Variants in ITGA9 observed in about 807,000 individuals in gnomAD.
ITGA9 encodes the protein integrin alpha-9.
A neutral mutation model predicts 127.8 loss-of-function variants in ITGA9; 56 were observed. That is an observed-to-expected ratio of 0.44 (90% CI 0.35 to 0.55). ITGA9 has a LOEUF of 0.55. ITGA9 is among the 20% of genes least tolerant of loss of function. ITGA9 has a pLI of 0.00. For missense variants in ITGA9, 1,196 were observed against 1,347.1 expected (o/e 0.89, Z 1.76); for synonymous variants, 508 against 514.5 (o/e 0.99, Z 0.17).
chr3:37,638,903 C>T (rs1254987456), intron 16 of ITGA9, among the ~76,000 whole-genome samples: 3 of 152,174 alleles, frequency 2.0e-5, no homozygotes, highest in African/African-American at 7.2e-5. Context: ...TAGGAATGTG[C>T]AGGACAGGCA....
At chr3:37,600,849 G>A (rs1699916388) in intron 15 of ITGA9, among the ~76,000 whole-genome samples, 1 of 152,210 alleles carries the variant, frequency 6.6e-6, no homozygotes, top group South Asian at 2.1e-4. Flanking sequence ...CCCCATGTGT[G>A]CACATATACA....
rs978778723 is a variant in ITGA9, at chr3:37,542,282, T to C, written c.1529-143T>C. The stretch of plus-strand genomic sequence containing the variant: ...GGCTGTGTGCTGCTTTCTGAGCAAG[T>C]CTCTGCTTGGGGCTGCAGTCTCCTG... On this transcript the variant is annotated intron_variant, in intron 14 of 27. Transcript: ENST00000264741. 121 of 855,668 alleles carry C rather than the reference T, an allele frequency of 1.4e-4. 4 individuals carry two copies. In the South Asian group the frequency reaches 1.6e-3, roughly 11 times the overall value. 53.0% of individuals were successfully genotyped at this position (855,668 alleles called of 1,614,324 possible).
At chr3:37,775,980 A>G (rs1269207155) in intron 23 of ITGA9, among the ~76,000 whole-genome samples, 2 of 152,254 alleles carry the variant, frequency 1.3e-5, no homozygotes, top group Non-Finnish European at 2.9e-5. Context: ...GTACAGATAT[A>G]CCATGGAATA....
At chr3:37,457,799 T>A (rs966004029) in intron 1 of ITGA9, among the ~76,000 whole-genome samples, 1 of 152,154 alleles carries the variant, frequency 6.6e-6, no homozygotes, top group Non-Finnish European at 1.5e-5. Context: ...TCTGAGCTAG[T>A]GCTGAATGCT....
At chr3:37,521,302 G>A (rs1699041995) in intron 11 of ITGA9, among the ~76,000 whole-genome samples, 1 of 152,178 alleles carries the variant, frequency 6.6e-6, no homozygotes, top group Non-Finnish European at 1.5e-5. Flanking sequence ...ACAACTCTGG[G>A]CAATGGAATC....
intron 23 of ITGA9, among the ~76,000 whole-genome samples, chr3:37,766,317 CACTT>C (rs1696779789): frequency 6.6e-6 from 1 of 152,256 alleles, no homozygotes; most frequent in Non-Finnish European, 1.5e-5. Context: ...GAGCCAACCT[CACTT>C]ACTTCTCTTT....
intron 15 of ITGA9, among the ~76,000 whole-genome samples, chr3:37,618,679 G>T (rs1035649086): frequency 6.6e-6 from 1 of 152,174 alleles, no homozygotes; most frequent in African/African-American, 2.4e-5. Flanking sequence ...CCCTCCCCCA[G>T]CCTTGCTGCT....
At chr3:37,478,187 G>C (rs1698514328) in intron 3 of ITGA9, among the ~76,000 whole-genome samples, 1 of 152,136 alleles carries the variant, frequency 6.6e-6, no homozygotes, top group African/African-American at 2.4e-5. Flanking sequence ...CAGCCTCTCT[G>C]TGATCCTGCT....
chr3:37,541,800 A>G (rs1454195000), intron 14 of ITGA9, among the ~76,000 whole-genome samples: 5 of 152,234 alleles, frequency 3.3e-5, no homozygotes, highest in Admixed American at 1.3e-4. Flanking sequence ...ACCTGAAGGC[A>G]GGAGTTTATG....
chr3:37,565,370 A>G (rs953267326), intron 15 of ITGA9, among the ~76,000 whole-genome samples: 2 of 152,204 alleles, frequency 1.3e-5, no homozygotes, highest in Admixed American at 6.5e-5. Context: ...GTGGTCAGGC[A>G]AATAATTGAT....
Position 37,744,028 on chromosome 3 carries a change from C to T in ITGA9, c.2427C>T (p.Thr809=), listed in dbSNP as rs938637434. ...GTCACTTTCAGCCCATCAATATCAC[C>T]CTTCAGGTACCCACTCCTGGAGACC... ...LECHFQPINI[T]LQVYNTGPST... is the part of the protein sequence containing the mutation. The change falls in exon 22 of 28, where the codon ACC becomes ACT. Residue 809 remains threonine, a synonymous_variant. Coordinates refer to ENST00000264741, the MANE Select transcript of ITGA9 (RefSeq NM_002207.3). 1.9e-6 allele frequency: 3 copies of T among 1,607,342 alleles called. No individual in the cohort carries two copies. The highest frequency in any genetic ancestry group is 2.6e-6 in the Non-Finnish European group (3 of 1,173,906).
At chr3:37,762,385 A>G (rs1696732837) in intron 23 of ITGA9, among the ~76,000 whole-genome samples, 1 of 152,244 alleles carries the variant, frequency 6.6e-6, no homozygotes, top group Non-Finnish European at 1.5e-5. Context: ...GAAAGAATGC[A>G]GGCTCAGAGC....
At chr3:37,549,097 G>A (rs1190617336) in intron 15 of ITGA9, among the ~76,000 whole-genome samples, 1 of 152,234 alleles carries the variant, frequency 6.6e-6, no homozygotes, top group Non-Finnish European at 1.5e-5. Flanking sequence ...AGCTCACTGA[G>A]TGTGGGTTGC....
chr3:37,622,473 G>T (rs1363737487), intron 15 of ITGA9, among the ~76,000 whole-genome samples: 2 of 152,042 alleles, frequency 1.3e-5, no homozygotes, highest in African/African-American at 4.8e-5. Context: ...CTTGCTACAG[G>T]TACAGTTTAT....
At position 37,512,013 on chromosome 3, in the gene ITGA9, CTTTT is replaced by C. The variant is rs1698915385; in HGVS notation, c.898-1749_898-1746del. ...CTTTTCTTTTCTTTTCTTTTCTTTT[CTTTT>C]CTTTTCTTTTCTTTCTTTCTTTCTT... is the stretch of plus-strand genomic sequence containing the variant. On this transcript the variant is annotated intron_variant, in intron 8 of 27. Transcript: ENST00000264741. Among the ~76,000 whole-genome samples the C allele has an allele frequency of 5.7e-3, 204 of 35,492 alleles. 19 individuals carry two copies. Among genetic ancestry groups the C allele is most frequent in the East Asian group, 0.016 (11 of 704 alleles). The allele number at this position is 35,492 out of a possible 152,430, so 23.3% of individuals were successfully genotyped here.
intron 15 of ITGA9, among the ~76,000 whole-genome samples, chr3:37,621,495 G>T (rs548492839): frequency 1.3e-5 from 2 of 152,258 alleles, no homozygotes; most frequent in Admixed American, 1.3e-4. Flanking sequence ...GTTCAGTATT[G>T]TCCAGGAGAC....
intron 15 of ITGA9, among the ~76,000 whole-genome samples, chr3:37,557,005 A>G (rs1400027726): frequency 1.3e-5 from 2 of 152,142 alleles, no homozygotes; most frequent in East Asian, 1.9e-4. Context: ...CTTGAAGGAC[A>G]GTGTTGTCAG....
chr3:37,533,547 C>T (rs1030948638), intron 14 of ITGA9, 79 bp downstream of exon 14: 6 of 1,475,828 alleles, frequency 4.1e-6, no homozygotes, highest in African/African-American at 2.8e-5. Context: ...TGTTCCCTGT[C>T]GCTGTTCCTC....
chr3:37,564,008 CAA>C (rs1398101612), intron 15 of ITGA9, among the ~76,000 whole-genome samples: 2 of 152,160 alleles, frequency 1.3e-5, no homozygotes, highest in Non-Finnish European at 2.9e-5. Context: ...AAAAACAAAA[CAA>C]AATTTTGAAT....
Sources: gnomAD v4.1 joint callset for allele counts (sites outside exome capture counted in the v4.1 genomes callset) on GRCh38, gnomAD v4.1.1 for gene constraint, MANE v1.5 for transcripts, NCBI Gene and HGNC (gene_info 2026-07-23, HGNC 2026-07-21) for gene names.